ROPN1: variants seen among roughly 807,000 people sequenced by gnomAD.
ROPN1 encodes ropporin-1A.
ROPN1 carries 14 observed loss-of-function variants against 20.5 expected under a neutral mutation model. The ratio of observed to expected loss-of-function variants is 0.68; its 90% CI spans 0.45 to 1.07. ROPN1 has a LOEUF of 1.07. Ranked by LOEUF, ROPN1 falls within the 50% of genes least tolerant of loss-of-function variation. ROPN1 has a pLI of 0.00. For missense variants in ROPN1, 169 were observed against 242.8 expected (o/e 0.70, Z 2.02); for synonymous variants, 76 against 95.7 (o/e 0.79, Z 1.20).
chr3:123,971,603 C>T (rs139532278), intron 4 of ROPN1, among the ~76,000 whole-genome samples: 130 of 152,142 alleles, frequency 8.5e-4, no homozygotes, highest in Admixed American at 4.0e-3. Context: ...GGCATGGGGC[C>T]AACTAGTATA....
At chr3:123,989,508 A>G (rs1023359713) in intron 1 of ROPN1, among the ~76,000 whole-genome samples, 1 of 152,214 alleles carries the variant, frequency 6.6e-6, no homozygotes, top group African/African-American at 2.4e-5. Flanking sequence ...GGACTGGAGG[A>G]GGAAGAGGTT....
intron 1 of ROPN1, among the ~76,000 whole-genome samples, chr3:123,988,131 C>T (rs1257179996): frequency 2.6e-5 from 4 of 151,488 alleles, no homozygotes; most frequent in African/African-American, 7.3e-5. Flanking sequence ...CCATTTTCAT[C>T]TTTTACTTGT....
At chr3:123,984,621 C>T (rs2038212971) in intron 1 of ROPN1, among the ~76,000 whole-genome samples, 1 of 152,100 alleles carries the variant, frequency 6.6e-6, no homozygotes, top group South Asian at 2.1e-4. Context: ...GAGCACTGCT[C>T]ACAAAATGAC....
Position 123,980,486 on chromosome 3 carries a change from T to C in ROPN1, c.-5A>G, listed in dbSNP as rs1559824901. 1.2e-6 allele frequency: 2 copies of C among 1,613,880 alleles called. No homozygotes were observed. The highest frequency in any genetic ancestry group is 1.3e-5 in the African/African-American group (1 of 74,924). Reference sequence around the variant, plus strand: ...TGGCTTATCTGTCTGAGCCATTGATTGGTTGGCCTATTCTCAGGAGAAAAA... The same window carrying C: ...TGGCTTATCTGTCTGAGCCATTGATCGGTTGGCCTATTCTCAGGAGAAAAA... On this transcript the variant is annotated 5_prime_UTR_variant, in exon 2 of 6. Transcript: ENST00000405845.
intron 1 of ROPN1, chr3:123,991,157 A>G (rs1439307586): frequency 6.7e-6 from 1 of 149,470 alleles, no homozygotes; most frequent in African/African-American, 2.5e-5. Context: ...TCCATTGTAC[A>G]TACCCTTCCA....
intron 4 of ROPN1, among the ~76,000 whole-genome samples, chr3:123,972,906 T>G (rs920241733): frequency 4.6e-5 from 7 of 152,184 alleles, no homozygotes; most frequent in African/African-American, 1.7e-4. Flanking sequence ...ACAACAGAAA[T>G]GTATTGCTCA....
At chr3:123,977,123 T>G in intron 2 of ROPN1, 142 bp from the exon 3 acceptor site, 1 of 772,102 alleles carries the variant, frequency 1.3e-6, no homozygotes, top group African/African-American at 1.7e-5. Flanking sequence ...TCATTGTGTT[T>G]AGTTCACTTA....
In ROPN1 at chr3:123,992,036, A is replaced by G. The variant is rs2038424372; in HGVS notation, c.-127T>C. 7.6e-6 allele frequency: 1 copy of G among 130,904 alleles called. No individual in the cohort carries two copies. The highest frequency in any genetic ancestry group is 1.7e-5 in the Non-Finnish European group (1 of 59,432). The allele number at this position is 130,904 out of a possible 1,614,324, so 8.1% of individuals were successfully genotyped here. Reference sequence around the variant, plus strand: ...TCCCACCCTTCTTAAGAAGGAGAGCAGTAGAACCTCGGCGGGGAGGGCAGC... The same window carrying G: ...TCCCACCCTTCTTAAGAAGGAGAGCGGTAGAACCTCGGCGGGGAGGGCAGC... On this transcript the variant is annotated 5_prime_UTR_variant, in exon 1 of 6. Transcript: ENST00000405845.
At chr3:123,969,594 C>T (rs1295098421) in intron 5 of ROPN1, among the ~76,000 whole-genome samples, 2 of 152,238 alleles carry the variant, frequency 1.3e-5, no homozygotes, top group Non-Finnish European at 2.9e-5. Flanking sequence ...GTGTGAGCCG[C>T]CATGACCGGC....
At chr3:123,969,797 T>C (rs112196934) in intron 5 of ROPN1, among the ~76,000 whole-genome samples, 35 of 152,230 alleles carry the variant, frequency 2.3e-4, no homozygotes, top group Admixed American at 7.2e-4. Flanking sequence ...ATTTCTAACA[T>C]CTTCTTAGGT....
chr3:123,980,293 A>C (rs978011018), intron 2 of ROPN1, 73 bp downstream of exon 2: 1 of 1,421,570 alleles, frequency 7.0e-7, no homozygotes, highest in Non-Finnish European at 9.9e-7. Flanking sequence ...AGCCATGACA[A>C]CCTCCGCGGT....
chr3:123,986,800 G>A (rs1177292744), intron 1 of ROPN1, among the ~76,000 whole-genome samples: 2 of 152,234 alleles, frequency 1.3e-5, no homozygotes, highest in East Asian at 1.9e-4. Flanking sequence ...ACTGGCTGCA[G>A]CATGCAGCCA....
chr3:123,983,419 A>C (rs2148999157), intron 1 of ROPN1, among the ~76,000 whole-genome samples: 1 of 152,264 alleles, frequency 6.6e-6, no homozygotes, highest in Admixed American at 6.5e-5. Flanking sequence ...GCAATTGTTT[A>C]ATTTCTCTCC....
At chr3:123,987,263 C>T (rs1217202868) in intron 1 of ROPN1, among the ~76,000 whole-genome samples, 1 of 152,252 alleles carries the variant, frequency 6.6e-6, no homozygotes, top group East Asian at 1.9e-4. Flanking sequence ...GCTAGTTCAA[C>T]TCACTCGTTC....
intron 1 of ROPN1, among the ~76,000 whole-genome samples, chr3:123,986,609 G>A (rs1201375805): frequency 6.6e-6 from 1 of 152,156 alleles, no homozygotes; most frequent in Non-Finnish European, 1.5e-5. Context: ...GTGCTTGCTG[G>A]TTCTGTACCC....
chr3:123,989,691 A>T (rs540110881), intron 1 of ROPN1, among the ~76,000 whole-genome samples: 6 of 152,336 alleles, frequency 3.9e-5, no homozygotes, highest in African/African-American at 1.4e-4. Flanking sequence ...CATGGCTAGC[A>T]GTGTCCCCTG....
intron 4 of ROPN1, among the ~76,000 whole-genome samples, chr3:123,973,357 T>C (rs1436147194): frequency 1.3e-5 from 2 of 152,140 alleles, no homozygotes; most frequent in Non-Finnish European, 2.9e-5. Context: ...AAGTCAGATA[T>C]GTCAAGGCCT....
At chr3:123,985,358 T>C (rs539490286) in intron 1 of ROPN1, among the ~76,000 whole-genome samples, 1 of 152,360 alleles carries the variant, frequency 6.6e-6, no homozygotes, top group African/African-American at 2.4e-5. Context: ...TCTTTATGCA[T>C]ATGTGTTGCA....
chr3:123,984,020 C>T (rs552545618), intron 1 of ROPN1, among the ~76,000 whole-genome samples: 11 of 152,276 alleles, frequency 7.2e-5, no homozygotes, highest in African/African-American at 2.4e-5. Context: ...TGATAGCATA[C>T]GCCATTCTTG....
Sources: gnomAD v4.1 joint callset for allele counts (sites outside exome capture counted in the v4.1 genomes callset) on GRCh38, gnomAD v4.1.1 for gene constraint, MANE v1.5 for transcripts, NCBI Gene and HGNC (gene_info 2026-07-23, HGNC 2026-07-21) for gene names.